The following LRRC63 variants were observed in gnomAD, a reference collection of about 807,000 sequenced individuals.
LRRC63 encodes leucine-rich repeat-containing protein 63.
In LRRC63, 40 loss-of-function variants were observed where a neutral mutation model predicts 49.5. The observed-to-expected ratio is 0.81, with a 90% CI of 0.63 to 1.05. LRRC63 has a LOEUF of 1.05. Ranked by LOEUF, LRRC63 falls within the 50% of genes least tolerant of loss-of-function variation. The probability of loss-of-function intolerance (pLI) is 0.00; values close to 1 mark genes in which losing one functional copy is unlikely to be tolerated. For synonymous variants in LRRC63, 191 were observed against 221.1 expected (o/e 0.86, Z 1.21); for missense variants, 636 against 663.1 (o/e 0.96, Z 0.45).
At chr13:46,245,347 A>G (rs1465776339) in intron 5 of LRRC63, among the ~76,000 whole-genome samples, 3 of 152,182 alleles carry the variant, frequency 2.0e-5, no homozygotes, top group Non-Finnish European at 4.4e-5. Flanking sequence ...AACTCCAGCG[A>G]CTAACTTGAC....
intron 9 of LRRC63, among the ~76,000 whole-genome samples, chr13:46,270,820 A>G (rs1461919346): frequency 6.6e-6 from 1 of 152,186 alleles, no homozygotes; most frequent in Non-Finnish European, 1.5e-5. Context: ...TCAGCCTGCC[A>G]GATCTGGCCT....
chr13:46,264,045 A>T (rs1329630582), intron 8 of LRRC63, among the ~76,000 whole-genome samples: 1 of 152,196 alleles, frequency 6.6e-6, no homozygotes, highest in Non-Finnish European at 1.5e-5. Context: ...CGTGTTTCAC[A>T]GTAGCCTCCA....
At position 46,241,116 on chromosome 13, in the gene LRRC63, TAAAC is replaced by T. The variant is rs1210688152; in HGVS notation, c.991-5405_991-5402del. Among the ~76,000 whole-genome samples, 20 of 151,892 alleles carry T rather than the reference TAAAC, an allele frequency of 1.3e-4. No individual in the cohort carries two copies. In the South Asian group the frequency reaches 4.1e-3, roughly 32 times the overall value. ...AGGGCTATAGCATGGTGCTGGTACA[TAAAC>T]AAACACATAGACCAATGGAACTGAA... is the stretch of plus-strand genomic sequence containing the variant. On this transcript the variant is annotated intron_variant, in intron 5 of 9. Coordinates refer to ENST00000595396, the Ensembl canonical transcript of LRRC63.
At chr13:46,255,428 A>AT (rs34538407) in intron 7 of LRRC63, among the ~76,000 whole-genome samples, 35 of 152,156 alleles carry the variant, frequency 2.3e-4, no homozygotes, top group South Asian at 1.0e-3. Flanking sequence ...AAAATGGCAG[A>AT]TTTTATGTTA....
rs779181684 is a variant in LRRC63 at position 46,266,655 on chromosome 13, GAAC to G, written c.1311-75_1311-73del. On this transcript the variant is annotated intron_variant, in intron 8 of 9. Coordinates refer to ENST00000595396, the Ensembl canonical transcript of LRRC63. ...GTACTAGTTTGATGCCAATTTTCAT[GAAC>G]AATTGAGGCAGAATTTTACTTTAAT... 1,399 of 1,257,138 alleles carry G rather than the reference GAAC, an allele frequency of 1.1e-3. 5 individuals are homozygous for G. The highest frequency in any genetic ancestry group is 1.3e-3 in the Non-Finnish European group (1,217 of 929,766). The allele number at this position is 1,257,138 out of a possible 1,614,324, so 77.9% of individuals were successfully genotyped here.
At chr13:46,218,183 C>G (rs1055165650) in intron 2 of LRRC63, among the ~76,000 whole-genome samples, 1 of 152,142 alleles carries the variant, frequency 6.6e-6, no homozygotes, top group East Asian at 1.9e-4. Context: ...GTTGATCTGT[C>G]TAATGTTGAC....
At chr13:46,270,741 G>T in intron 9 of LRRC63, 1 of 517,722 alleles carries the variant, frequency 1.9e-6, no homozygotes, top group Non-Finnish European at 3.6e-6. Context: ...GGCCGAGGAG[G>T]CCTGGTGCTT....
At chr13:46,218,754 C>T (rs991007714) in intron 2 of LRRC63, among the ~76,000 whole-genome samples, 12 of 152,102 alleles carry the variant, frequency 7.9e-5, no homozygotes, top group Admixed American at 2.0e-4. Context: ...TTTTACCTTC[C>T]ATATTTAATG....
intron 7 of LRRC63, among the ~76,000 whole-genome samples, chr13:46,252,033 T>A (rs1448051755): frequency 6.6e-6 from 1 of 151,930 alleles, no homozygotes; most frequent in African/African-American, 2.4e-5. Flanking sequence ...ACATAGGATA[T>A]GTATGCATAT....
intron 9 of LRRC63, among the ~76,000 whole-genome samples, chr13:46,269,520 C>CA (rs75837557): frequency 0.23 from 34,586 of 151,590 alleles, 4,668 homozygotes; most frequent in East Asian, 0.35. Context: ...ATCAGACACA[C>CA]AAAAAAATCA....
chr13:46,270,138 C>T, intron 9 of LRRC63: 1 of 700,460 alleles, frequency 1.4e-6, no homozygotes, highest in South Asian at 1.6e-5. Context: ...CAATACTTCA[C>T]TCGCTGGTAC....
intron 7 of LRRC63, among the ~76,000 whole-genome samples, chr13:46,261,264 A>C (rs1315770616): frequency 6.6e-6 from 1 of 152,210 alleles, no homozygotes; most frequent in Admixed American, 6.5e-5. Flanking sequence ...TCCTTATAGA[A>C]CCTCAGAATG....
chr13:46,255,645 A>AAAAAAAAAAAAAATATATATATATAT (rs1555328641), intron 7 of LRRC63, among the ~76,000 whole-genome samples: 17 of 129,452 alleles, frequency 1.3e-4, no homozygotes, highest in African/African-American at 4.9e-4. Context: ...CCCTGCCTCA[A>AAAAAAAAAAAAAATATATATATATAT]ATATATATAT....
chr13:46,258,620 C>T (rs4119618), intron 7 of LRRC63, among the ~76,000 whole-genome samples: 35,581 of 149,458 alleles, frequency 0.24, 4,310 homozygotes, highest in East Asian at 0.35. Context: ...CCATCCTGGC[C>T]AACATGGTGA....
At position 46,262,410 on chromosome 13, in the gene LRRC63, C is replaced by A. The variant is rs538617537; in HGVS notation, c.1310+418C>A. On this transcript the variant is annotated intron_variant, in intron 8 of 9. Coordinates refer to ENST00000595396, the Ensembl canonical transcript of LRRC63. ...TATGTCCTTCTAGGTCAGTACTATA[C>A]TGTTTTGATTGTGACTTCAGAATAA... Among the ~76,000 whole-genome samples the A allele has an allele frequency of 1.2e-4, 19 of 152,264 alleles. No homozygotes were observed. In the South Asian group the frequency reaches 1.7e-3, roughly 13 times the overall value.
rs556944459 is a variant in LRRC63 at position 46,247,451 on chromosome 13, T to A, written c.1089+826T>A. Among the ~76,000 whole-genome samples, 22 of 152,296 alleles carry A rather than the reference T, an allele frequency of 1.4e-4. No individual in the cohort carries two copies. The South Asian group carries it at 4.1e-3, about 29-fold the overall frequency. On this transcript the variant is annotated intron_variant, in intron 6 of 9. Coordinates refer to ENST00000595396, the Ensembl canonical transcript of LRRC63. Reference sequence around the variant, plus strand: ...AGTAGATACAGATAATATTTGTGTATCTGCCAAAGAAAACTCCATCCACTA... The same window carrying A: ...AGTAGATACAGATAATATTTGTGTAACTGCCAAAGAAAACTCCATCCACTA...
intron 8 of LRRC63, among the ~76,000 whole-genome samples, chr13:46,265,266 G>A (rs1050536447): frequency 1.3e-5 from 2 of 152,134 alleles, no homozygotes; most frequent in African/African-American, 2.4e-5. Context: ...GGCAGGGAGA[G>A]CCTCACCATG....
In LRRC63 at chr13:46,234,178, TTTTG is replaced by T; in HGVS notation, c.833-10_833-7del. On this transcript the variant is annotated splice_polypyrimidine_tract_variant and intron_variant, in intron 4 of 9. Coordinates refer to ENST00000595396, the Ensembl canonical transcript of LRRC63. ...CATTTAAATTTTATGTTTTGTTTTG[TTTTG>T]TTTATTTAGGTCTCACCAAAACTGA... The T allele has an allele frequency of 6.5e-7, 1 of 1,541,742 alleles. No individual in the cohort carries two copies. Among genetic ancestry groups the T allele is most frequent in the Non-Finnish European group, 8.8e-7 (1 of 1,141,352 alleles).
chr13:46,226,041 T>G (rs1010572563), intron 2 of LRRC63, among the ~76,000 whole-genome samples: 1 of 151,946 alleles, frequency 6.6e-6, no homozygotes, highest in Non-Finnish European at 1.5e-5. Context: ...TGAAGTGCAG[T>G]GGTACAATCA....
Sources: gnomAD v4.1 joint callset for allele counts (sites outside exome capture counted in the v4.1 genomes callset) on GRCh38, gnomAD v4.1.1 for gene constraint, MANE v1.5 for transcripts, NCBI Gene and HGNC (gene_info 2026-07-23, HGNC 2026-07-21) for gene names.